Variants in ZNF121 observed in about 807,000 individuals in gnomAD.
ZNF121 encodes the protein zinc finger protein 121 (clone ZHC32).
ZNF121 carries 1 observed loss-of-function variant against 2.4 expected under a neutral mutation model. That is an observed-to-expected ratio of 0.41 (90% CI 0.15 to 1.94). The LOEUF is 1.94. ZNF121 is among the 30% of genes most tolerant of loss of function. ZNF121 has a pLI of 0.30. For missense variants in ZNF121, 369 were observed against 466.3 expected, an observed-to-expected ratio of 0.79 and a Z score of 1.92; for synonymous variants, 173 against 158.6, an observed-to-expected ratio of 1.09 and a Z score of -0.68.
intron 1 of ZNF121, among the ~76,000 whole-genome samples, chr19:9,573,699 CA>C (rs2074189799): frequency 6.6e-6 from 1 of 152,152 alleles, no homozygotes; most frequent in Admixed American, 6.5e-5. Context: ...ACAAAGCATA[CA>C]ATCTTCAGAC....
rs1299164402 is a variant in ZNF121, at chr19:9,563,546, G to C, written c.*2394C>G. 2 of 152,216 alleles carry C rather than the reference G, an allele frequency of 1.3e-5. No individual in the cohort carries two copies. The highest frequency in any genetic ancestry group is 6.5e-5 in the Admixed American group (1 of 15,280). 9.4% of individuals were successfully genotyped at this position (152,216 alleles called of 1,614,324 possible). ...GGAGATGCCATTTAGGACTTTCACAGCTCTAGGTAAGCTAATATCTGACTT... is the reference window on the plus strand; with the variant it reads ...GGAGATGCCATTTAGGACTTTCACACCTCTAGGTAAGCTAATATCTGACTT... On this transcript the variant is annotated 3_prime_UTR_variant, in exon 4 of 4. Transcript: ENST00000320451.
intron 1 of ZNF121, among the ~76,000 whole-genome samples, chr19:9,573,568 G>A (rs567756630): frequency 1.5e-3 from 223 of 152,258 alleles, no homozygotes; most frequent in Non-Finnish European, 2.5e-3. Context: ...CAAGTGCAAG[G>A]GGTAAGCTTT....
chr19:9,570,661 G>T (rs1179137819), intron 1 of ZNF121, among the ~76,000 whole-genome samples: 1 of 152,086 alleles, frequency 6.6e-6, no homozygotes, highest in African/African-American at 2.4e-5. Context: ...CCGCCTCCTG[G>T]GTTAAAGCGA....
At chr19:9,571,065 A>C (rs1452824345) in intron 1 of ZNF121, among the ~76,000 whole-genome samples, 1 of 152,230 alleles carries the variant, frequency 6.6e-6, no homozygotes, top group Non-Finnish European at 1.5e-5. Flanking sequence ...CTGTCCCTAG[A>C]AATGAAATAG....
Position 9,561,896 on chromosome 19 carries a change from GAA to G in ZNF121, c.*4042_*4043del, listed in dbSNP as rs576203184. The G allele has an allele frequency of 5.6e-5, 6 of 107,670 alleles. No individual in the cohort carries two copies. Among genetic ancestry groups the G allele is most frequent in the Admixed American group, 1.9e-4 (2 of 10,324 alleles). The allele number at this position is 107,670 out of a possible 1,614,324, so 6.7% of individuals were successfully genotyped here. A position where few individuals can be genotyped will look rare whatever the true frequency, so the allele number is the denominator to read the frequency against. On this transcript the variant is annotated 3_prime_UTR_variant, in exon 4 of 4. Transcript: ENST00000320451. ...GCAAGACCCCAATGCAGACCAAAAA[GAA>G]AAAAAAAAAAAAGGAAAAGAAAACC...
At position 9,565,183 on chromosome 19, in the gene ZNF121, T is replaced by C. The variant is rs1234963496; in HGVS notation, c.*757A>G. On this transcript the variant is annotated 3_prime_UTR_variant, in exon 4 of 4. Coordinates refer to ENST00000320451, the MANE Select transcript of ZNF121 (RefSeq NM_001008727.5). ...AGGGCATGCCTGTATCTTGTATCAA[T>C]AGGGTTTCTCTTCTCCATTGCAACA... 2.6e-5 allele frequency: 4 copies of C among 151,516 alleles called. No individual in the cohort carries two copies. The highest frequency in any genetic ancestry group is 1.9e-4 in the East Asian group (1 of 5,138). 9.4% of individuals were successfully genotyped at this position (151,516 alleles called of 1,614,324 possible).
chr19:9,572,146 C>G (rs1421913082), intron 1 of ZNF121, among the ~76,000 whole-genome samples: 1 of 152,116 alleles, frequency 6.6e-6, no homozygotes, highest in Non-Finnish European at 1.5e-5. Flanking sequence ...TGGTTTCAAT[C>G]CCCTGACAGA....
rs1369472195 is a variant in ZNF121 at position 9,565,387 on chromosome 19, A to AAAAAACAAT, written c.*552_*553insATTGTTTTT. ...AAAAAAAAAAAAAAAAAAAAAAAAA[A>AAAAAACAAT]GGCCAGGAGCAGTGGCTCACTCCTA... On this transcript the variant is annotated 3_prime_UTR_variant, in exon 4 of 4. Coordinates refer to ENST00000320451, the MANE Select transcript of ZNF121 (RefSeq NM_001008727.5). 7.2e-6 allele frequency: 1 copy of AAAAAACAAT among 139,724 alleles called. No individual in the cohort carries two copies. Among genetic ancestry groups the AAAAAACAAT allele is most frequent in the Non-Finnish European group, 1.5e-5 (1 of 64,958 alleles). 8.7% of individuals were successfully genotyped at this position (139,724 alleles called of 1,614,324 possible).
rs2074120026 is a variant in ZNF121, at chr19:9,564,973, T to C, written c.*967A>G. The C allele has an allele frequency of 6.6e-6, 1 of 152,214 alleles. No individual in the cohort carries two copies. The highest frequency in any genetic ancestry group is 1.5e-5 in the Non-Finnish European group (1 of 68,046). 9.4% of individuals were successfully genotyped at this position (152,214 alleles called of 1,614,324 possible). A position where few individuals can be genotyped will look rare whatever the true frequency, so the allele number is the denominator to read the frequency against. The stretch of plus-strand genomic sequence containing the variant: ...CAAAGTCTCACATGATCATTAGCAC[T>C]TTTTGGCAATAAAGTATTTTAAACT... On this transcript the variant is annotated 3_prime_UTR_variant, in exon 4 of 4. Transcript: ENST00000320451.
rs1490600019 is a variant in ZNF121, at chr19:9,562,651, TA to T, written c.*3288del. The T allele has an allele frequency of 2.6e-5, 4 of 153,042 alleles. No homozygotes were observed. The Admixed American group carries it at 2.6e-4, about 10-fold the overall frequency. 9.5% of individuals were successfully genotyped at this position (153,042 alleles called of 1,614,324 possible). On this transcript the variant is annotated 3_prime_UTR_variant, in exon 4 of 4. Coordinates refer to ENST00000320451, the MANE Select transcript of ZNF121 (RefSeq NM_001008727.5). ...CAATATTGAAATTAGGCCAATTCAT[TA>T]CCCCACAATGGCCTCTAACTGTTCA...
At position 9,567,040 on chromosome 19, in the gene ZNF121, A is replaced by G; in HGVS notation, c.73T>C (p.Cys25Arg). Residue 25 changes from cysteine (C) to arginine (R), a missense_variant, in exon 4 of 4, where the codon TGC becomes CGC. Around this residue, in one of 4 missense-constraint regions of ZNF121, gnomAD observed 168 missense variants for 162.3 expected, o/e 1.03. Coordinates refer to ENST00000320451, the MANE Select transcript of ZNF121 (RefSeq NM_001008727.5). ...ENGEIFSEHS[C>R]LNAHMGTENT... ...TCAGTTCCCATGTGTGCATTAAGGC[A>G]TGAGTGTTCACTGAAGATTTCTCCA... 1 of 1,614,138 alleles carries G rather than the reference A, an allele frequency of 6.2e-7. No homozygotes were observed. Among genetic ancestry groups the G allele is most frequent in the Non-Finnish European group, 8.5e-7 (1 of 1,180,024 alleles).
At chr19:9,575,447 A>G (rs1159507496) in intron 1 of ZNF121, among the ~76,000 whole-genome samples, 1 of 151,022 alleles carries the variant, frequency 6.6e-6, no homozygotes, top group African/African-American at 2.4e-5. Flanking sequence ...AAAAAGAGAT[A>G]AAGAAGGTCT....
At chr19:9,580,013 C>T (rs754711461) in intron 1 of ZNF121, among the ~76,000 whole-genome samples, 5 of 152,108 alleles carry the variant, frequency 3.3e-5, no homozygotes, top group Non-Finnish European at 5.9e-5. Flanking sequence ...CCTTGTCAGC[C>T]AGGCGCGGGT....
At chr19:9,573,254 T>G (rs1047753565) in intron 1 of ZNF121, among the ~76,000 whole-genome samples, 15 of 152,262 alleles carry the variant, frequency 9.9e-5, no homozygotes, top group African/African-American at 3.4e-4. Context: ...TTAAGGAAAT[T>G]CAGTGATCTC....
intron 2 of ZNF121, among the ~76,000 whole-genome samples, chr19:9,568,542 T>G (rs1297246947): frequency 1.3e-5 from 2 of 152,006 alleles, no homozygotes; most frequent in Admixed American, 6.6e-5. Context: ...GCCCGGCTAA[T>G]TTTTGTATTT....
At chr19:9,575,345 C>G (rs1382692742) in intron 1 of ZNF121, among the ~76,000 whole-genome samples, 1 of 152,132 alleles carries the variant, frequency 6.6e-6, no homozygotes, top group Non-Finnish European at 1.5e-5. Flanking sequence ...ATCACTTGAA[C>G]CCAGGAAGCG....
In ZNF121 at chr19:9,566,510, T is replaced by A; in HGVS notation, c.603A>T (p.Gln201His). 1 of 1,614,194 alleles carries A rather than the reference T, an allele frequency of 6.2e-7. No homozygotes were observed. The highest frequency in any genetic ancestry group is 8.5e-7 in the Non-Finnish European group (1 of 1,180,028). ...CGAAGGCTCTTCCACATTCCTTACA[T>A]TGATAAGGTTTCTCTCCAGTATGAA... is the stretch of plus-strand genomic sequence containing the variant. ...VRIHTGEKPY[Q>H]CKECGRAFAG... is the part of the protein sequence containing the mutation. The change falls in exon 4 of 4, where the codon CAA becomes CAT. Residue 201 changes from glutamine (Q) to histidine (H), a missense_variant. By Grantham distance (24) the Gln-to-His change is conservative. Coordinates refer to ENST00000320451, the MANE Select transcript of ZNF121 (RefSeq NM_001008727.5).
At chr19:9,567,952 ACCAGT>A (rs1402360193) in intron 3 of ZNF121, 138 bp downstream of exon 3, 1 of 865,662 alleles carries the variant, frequency 1.2e-6, no homozygotes, top group East Asian at 2.8e-5. Context: ...CAGAAACAGT[ACCAGT>A]GGGGACCCTT....
rs1462763426 is a variant in ZNF121, at chr19:9,562,402, G to C, written c.*3538C>G. On this transcript the variant is annotated 3_prime_UTR_variant, in exon 4 of 4. Coordinates refer to ENST00000320451, the MANE Select transcript of ZNF121 (RefSeq NM_001008727.5). Reference sequence around the variant, plus strand: ...GCTGGTCTCGAACTCCTGACCTCATGATTCACTCACCTCAGCCTCTCAAGG... The same window carrying C: ...GCTGGTCTCGAACTCCTGACCTCATCATTCACTCACCTCAGCCTCTCAAGG... The C allele has an allele frequency of 3.5e-6, 1 of 285,392 alleles. No homozygotes were observed. The highest frequency in any genetic ancestry group is 7.9e-6 in the Non-Finnish European group (1 of 127,216). 17.7% of individuals were successfully genotyped at this position (285,392 alleles called of 1,614,324 possible). A position where few individuals can be genotyped will look rare whatever the true frequency, so the allele number is the denominator to read the frequency against.
Sources: gnomAD v4.1 joint callset for allele counts (sites outside exome capture counted in the v4.1 genomes callset) on GRCh38, gnomAD v4.1.1 for gene constraint, gnomAD v4.1.1 regional missense constraint, MANE v1.5 for transcripts, NCBI Gene and HGNC (gene_info 2026-07-23, HGNC 2026-07-21) for gene names.